ST7L: variants seen among roughly 807,000 people sequenced by gnomAD.
ST7L encodes suppressor of tumorigenicity 7 protein-like.
A neutral mutation model predicts 72.5 loss-of-function variants in ST7L; 57 were observed. The observed-to-expected ratio is 0.79, with a 90% CI of 0.64 to 0.98. The LOEUF (loss-of-function observed/expected upper bound fraction) is 0.98. Among genes scored for constraint, ST7L ranks in the 50% least tolerant of loss-of-function variants. The probability of loss-of-function intolerance (pLI) is 0.00; values close to 1 mark genes in which losing one functional copy is unlikely to be tolerated. For synonymous variants in ST7L, 221 were observed against 240.9 expected (o/e 0.92, Z 0.77); for missense variants, 576 against 672.2 (o/e 0.86, Z 1.58).
At chr1:112,611,172 A>G (rs1429742582) in intron 2 of ST7L, among the ~76,000 whole-genome samples, 169 bp from the exon 3 acceptor site, 1 of 152,238 alleles carries the variant, frequency 6.6e-6, no homozygotes, top group East Asian at 1.9e-4. Context: ...ATGTCACGTA[A>G]AAGTGAAATA....
At chr1:112,570,678 T>C (rs984615424) in intron 11 of ST7L, 6 of 449,596 alleles carry the variant, frequency 1.3e-5, no homozygotes, top group South Asian at 6.4e-5. Context: ...TTATGTTTGC[T>C]TGCTTCCAGC....
In ST7L at chr1:112,547,193, CTTTTT is replaced by C. The variant is rs759140130; in HGVS notation, c.1489+3403_1489+3407del. On this transcript the variant is annotated intron_variant, in intron 13 of 14. Transcript: ENST00000358039. ...CTCCCTTCTAGAGCTTTCTTTCTTT[CTTTTT>C]TTTTTTTTTTTTGAGACAGAGTCTT... 2.9e-5 allele frequency among the ~76,000 whole-genome samples: 4 copies of C among 137,510 alleles called. No homozygotes were observed. The South Asian group carries it at 9.4e-4, about 32-fold the overall frequency. 90.2% of individuals were successfully genotyped at this position (137,510 alleles called of 152,430 possible). A position where few individuals can be genotyped will look rare whatever the true frequency, so the allele number is the denominator to read the frequency against.
intron 12 of ST7L, among the ~76,000 whole-genome samples, chr1:112,552,592 CG>C (rs1658411593): frequency 6.6e-6 from 1 of 151,984 alleles, no homozygotes; most frequent in Non-Finnish European, 1.5e-5. Context: ...TTAGTAGAGA[CG>C]GGGTTTCTCC....
chr1:112,609,011 G>T (rs897888316), intron 3 of ST7L, among the ~76,000 whole-genome samples: 2 of 152,106 alleles, frequency 1.3e-5, no homozygotes, highest in South Asian at 4.1e-4. Flanking sequence ...ACCTATCCCA[G>T]TGAAAGGAAC....
Position 112,556,966 on chromosome 1 carries a change from C to CAAAAAAAAAAAAAA in ST7L, c.1246-962_1246-949dup, listed in dbSNP as rs60106072. Among the ~76,000 whole-genome samples, 174 of 49,342 alleles carry CAAAAAAAAAAAAAA rather than the reference C, an allele frequency of 3.5e-3. 2 individuals are homozygous for CAAAAAAAAAAAAAA. Among genetic ancestry groups the CAAAAAAAAAAAAAA allele is most frequent in the Non-Finnish European group, 5.1e-3 (124 of 24,098 alleles). 32.4% of individuals were successfully genotyped at this position (49,342 alleles called of 152,430 possible). A position where few individuals can be genotyped will look rare whatever the true frequency, so the allele number is the denominator to read the frequency against. Reference sequence around the variant, plus strand: ...CTGGCGACAGAGCGAGACTCTGTCTCAAAAAAAAAAAAAAAAAACAAAAAA... The same window carrying CAAAAAAAAAAAAAA: ...CTGGCGACAGAGCGAGACTCTGTCTCAAAAAAAAAAAAAAAAAAAAAAAAAAAAAAAACAAAAAA... On this transcript the variant is annotated intron_variant, in intron 11 of 14. Transcript: ENST00000358039.
In ST7L at chr1:112,535,394, TAAGAAG is replaced by T. The variant is rs369981750; in HGVS notation, c.1629+6551_1629+6556del. 1.7e-3 allele frequency among the ~76,000 whole-genome samples: 249 copies of T among 149,210 alleles called. 3 individuals carry two copies. The South Asian group carries it at 0.033, about 20-fold the overall frequency. On this transcript the variant is annotated intron_variant, in intron 14 of 14. Coordinates refer to ENST00000358039, the MANE Select transcript of ST7L (RefSeq NM_017744.5). ...CTCCAAATAATAATACTAATAATAA[TAAGAAG>T]AAGAAGAAGAAGAAGAAGAAGATGA...
At chr1:112,586,207 C>T (rs1255385465) in intron 6 of ST7L, among the ~76,000 whole-genome samples, 1 of 152,300 alleles carries the variant, frequency 6.6e-6, no homozygotes, top group South Asian at 2.1e-4. Context: ...GCAGGAGGAT[C>T]ACTTGAGGCC....
At chr1:112,526,180 T>G in intron 14 of ST7L, 69 bp from the exon 15 acceptor site, 1 of 1,602,594 alleles carries the variant, frequency 6.2e-7, no homozygotes, top group Non-Finnish European at 8.5e-7. Context: ...AGAGAGTATA[T>G]CTGAGCACAG....
intron 8 of ST7L, 133 bp downstream of exon 8, chr1:112,582,242 T>C (rs1664239443): frequency 3.4e-6 from 3 of 878,340 alleles, no homozygotes; most frequent in Admixed American, 2.6e-5. Context: ...AAGGTACGTA[T>C]ATTAAATAAA....
intron 11 of ST7L, among the ~76,000 whole-genome samples, chr1:112,571,714 C>G (rs1662179346): frequency 6.6e-6 from 1 of 152,196 alleles, no homozygotes; most frequent in Admixed American, 6.5e-5. Flanking sequence ...GTGTGAGCCA[C>G]CACGCCCAGC....
Position 112,524,627 on chromosome 1 carries a change from C to T in ST7L, c.*1386G>A, listed in dbSNP as rs780581632. On this transcript the variant is annotated 3_prime_UTR_variant, in exon 15 of 15. Coordinates refer to ENST00000358039, the MANE Select transcript of ST7L (RefSeq NM_017744.5). ...CCTTGGTGGAGGCCTCTGCCCCGAC[C>T]CTCCACTTGGGAACTGCCTGCTACT... 8.5e-5 allele frequency: 13 copies of T among 152,602 alleles called. No individual in the cohort carries two copies. The highest frequency in any genetic ancestry group is 3.1e-4 in the African/African-American group (13 of 41,428). The allele number at this position is 152,602 out of a possible 1,614,324, so 9.5% of individuals were successfully genotyped here.
chr1:112,589,887 G>A (rs1665429240), intron 6 of ST7L, among the ~76,000 whole-genome samples: 1 of 152,206 alleles, frequency 6.6e-6, no homozygotes, highest in South Asian at 2.1e-4. Context: ...AGCTCTGGCT[G>A]TGTGTGGGGC....
chr1:112,581,969 T>C, intron 9 of ST7L, 23 bp downstream of exon 9: 2 of 1,369,466 alleles, frequency 1.5e-6, no homozygotes, highest in Non-Finnish European at 2.1e-6. Flanking sequence ...AACCATGCTA[T>C]CAACTAAGGG....
intron 14 of ST7L, among the ~76,000 whole-genome samples, chr1:112,532,834 A>G (rs1464512751): frequency 1.3e-5 from 2 of 152,162 alleles, no homozygotes; most frequent in Admixed American, 1.3e-4. Context: ...TTAAAACCCA[A>G]TATTTTATTG....
intron 3 of ST7L, among the ~76,000 whole-genome samples, chr1:112,604,270 C>T (rs965070284): frequency 3.3e-5 from 5 of 152,090 alleles, no homozygotes; most frequent in Non-Finnish European, 7.4e-5. Context: ...AATGGTGCCA[C>T]TATACTTTAG....
intron 14 of ST7L, among the ~76,000 whole-genome samples, chr1:112,539,531 C>A (rs10857961): frequency 0.19 from 29,324 of 151,802 alleles, 3,539 homozygotes; most frequent in East Asian, 0.46. Flanking sequence ...TGGCACGTGC[C>A]TGTAGTCCCA....
At chr1:112,595,695 A>G (rs1266694768) in intron 5 of ST7L, among the ~76,000 whole-genome samples, 2 of 152,288 alleles carry the variant, frequency 1.3e-5, no homozygotes, top group East Asian at 3.9e-4. Context: ...CTGGGATTAC[A>G]GGCATAAGCC....
In ST7L at chr1:112,548,392, C is replaced by T. The variant is rs368349175; in HGVS notation, c.1489+2209G>A. On this transcript the variant is annotated intron_variant, in intron 13 of 14. Transcript: ENST00000358039. The stretch of plus-strand genomic sequence containing the variant: ...AAAAAAAGAAGAGAATCCTGGCCTT[C>T]AAGGAGTTTACAATCTAAAAGGGGA... Among the ~76,000 whole-genome samples the T allele has an allele frequency of 7.9e-5, 12 of 152,126 alleles. No individual in the cohort carries two copies. The East Asian group carries it at 2.3e-3, about 29-fold the overall frequency.
intron 10 of ST7L, among the ~76,000 whole-genome samples, chr1:112,577,344 C>T (rs1663273845): frequency 6.6e-6 from 1 of 151,116 alleles, no homozygotes; most frequent in South Asian, 2.1e-4. Context: ...GCCTGACCAA[C>T]ATGGAGAAAC....
Sources: allele counts gnomAD v4.1 joint callset (sites outside exome capture counted in the v4.1 genomes callset), GRCh38; gene constraint gnomAD v4.1.1; transcripts MANE v1.5; gene names NCBI Gene and HGNC (gene_info 2026-07-23, HGNC 2026-07-21).